Variants in LRRIQ1 observed in about 807,000 individuals in gnomAD.
The protein encoded by LRRIQ1 is leucine rich repeats and IQ motif containing 1, also known as leucine-rich repeat- and IQ domain-containing protein 1.
LRRIQ1 carries 210 observed loss-of-function variants against 211.9 expected under a neutral mutation model. That is an observed-to-expected ratio of 0.99 (90% confidence interval 0.89 to 1.11). The LOEUF (loss-of-function observed/expected upper bound fraction) is 1.11. LRRIQ1 is among the 50% of genes most tolerant of loss of function. LRRIQ1 has a pLI of 0.00. For synonymous variants in LRRIQ1, 699 were observed against 650.1 expected (o/e 1.08, Z -1.14); for missense variants, 2,136 against 1,939.5 (o/e 1.10, Z -1.90).
intron 14 of LRRIQ1, among the ~76,000 whole-genome samples, chr12:85,104,933 A>G (rs1289139278): frequency 3.3e-5 from 5 of 152,074 alleles, no homozygotes; most frequent in Non-Finnish European, 7.4e-5. Flanking sequence ...TCCATTCTTG[A>G]GAGCTTTTAA....
intron 24 of LRRIQ1, among the ~76,000 whole-genome samples, chr12:85,206,262 G>C (rs547347909): frequency 2.0e-5 from 3 of 152,300 alleles, no homozygotes; most frequent in Admixed American, 1.3e-4. Flanking sequence ...AGCAGTGTGG[G>C]CACATGGGTG....
chr12:85,074,095 G>T (rs74111261), intron 11 of LRRIQ1, among the ~76,000 whole-genome samples: 35,822 of 151,846 alleles, frequency 0.24, 4,815 homozygotes, highest in African/African-American at 0.34. Flanking sequence ...AATGTTAACT[G>T]TATTCTTTTT....
chr12:85,152,517 A>G (rs1289591458), intron 20 of LRRIQ1, 148 bp downstream of exon 20: 3 of 486,112 alleles, frequency 6.2e-6, no homozygotes, highest in African/African-American at 6.0e-5. Context: ...CCCCAGATGT[A>G]ATTTTTCATG....
chr12:85,203,744 G>T (rs1205772350), intron 24 of LRRIQ1, among the ~76,000 whole-genome samples: 1 of 152,138 alleles, frequency 6.6e-6, no homozygotes, highest in Non-Finnish European at 1.5e-5. Flanking sequence ...TTTCTAAGCA[G>T]CAAAACATTC....
chr12:85,224,980 TAC>T (rs536289847), intron 24 of LRRIQ1, among the ~76,000 whole-genome samples: 6 of 152,210 alleles, frequency 3.9e-5, no homozygotes, highest in Non-Finnish European at 5.9e-5. Flanking sequence ...TTACATATAA[TAC>T]ATTTATTATA....
chr12:85,159,076 G>T (rs1428800134), intron 23 of LRRIQ1, among the ~76,000 whole-genome samples: 1 of 152,036 alleles, frequency 6.6e-6, no homozygotes, highest in Non-Finnish European at 1.5e-5. Flanking sequence ...CAATCAGAAT[G>T]ACTGATAATG....
At chr12:85,140,285 G>C (rs1889439702) in intron 19 of LRRIQ1, among the ~76,000 whole-genome samples, 1 of 151,190 alleles carries the variant, frequency 6.6e-6, no homozygotes, top group Admixed American at 6.6e-5. Context: ...TCTTCTTTCT[G>C]ATGTGTTAGT....
chr12:85,073,133 T>C (rs770318244), intron 11 of LRRIQ1, 35 bp downstream of exon 11: 24 of 1,489,432 alleles, frequency 1.6e-5, no homozygotes, highest in Middle Eastern at 2.0e-4. Context: ...TGTTACTCTT[T>C]ATGGATTTCT....
At chr12:85,219,878 T>C (rs1410075578) in intron 24 of LRRIQ1, among the ~76,000 whole-genome samples, 1 of 152,110 alleles carries the variant, frequency 6.6e-6, no homozygotes, top group Admixed American at 6.6e-5. Flanking sequence ...CAACAACAGA[T>C]TGGATTGGTT....
chr12:85,259,561 A>C (rs1240897674), intron 1 of LRRIQ1, among the ~76,000 whole-genome samples: 1 of 152,134 alleles, frequency 6.6e-6, no homozygotes, highest in East Asian at 1.9e-4. Flanking sequence ...AGAATAAGCT[A>C]TATAGATTAC....
At chr12:85,202,597 T>G (rs955097468) in intron 24 of LRRIQ1, among the ~76,000 whole-genome samples, 9 of 152,210 alleles carry the variant, frequency 5.9e-5, no homozygotes, top group Admixed American at 5.9e-4. Flanking sequence ...GAAATTAGAA[T>G]AGCAACCCCT....
intron 24 of LRRIQ1, among the ~76,000 whole-genome samples, chr12:85,181,188 T>A (rs1161055400): frequency 6.8e-6 from 1 of 146,954 alleles, no homozygotes; most frequent in African/African-American, 2.6e-5. Context: ...GTAATAAATC[T>A]AATTATAAAA....
intron 11 of LRRIQ1, 24 bp downstream of exon 11, chr12:85,073,122 T>C (rs780764278): frequency 2.0e-6 from 3 of 1,534,662 alleles, no homozygotes; most frequent in Admixed American, 3.5e-5. Flanking sequence ...ATTTTTTATT[T>C]TGTTACTCTT....
chr12:85,229,152 A>G (rs1894810929), intron 24 of LRRIQ1, among the ~76,000 whole-genome samples: 1 of 152,188 alleles, frequency 6.6e-6, no homozygotes, highest in Non-Finnish European at 1.5e-5. Context: ...TATAAAAACA[A>G]TTAGACTTTA....
At chr12:85,258,957 A>G (rs1896206535) in intron 1 of LRRIQ1, among the ~76,000 whole-genome samples, 1 of 151,970 alleles carries the variant, frequency 6.6e-6, no homozygotes, top group South Asian at 2.1e-4. Context: ...TCAAAACACA[A>G]CATATATATA....
intron 4 of LRRIQ1, among the ~76,000 whole-genome samples, chr12:85,045,611 A>G (rs1879446396): frequency 6.6e-6 from 1 of 151,972 alleles, no homozygotes; most frequent in African/African-American, 2.4e-5. Flanking sequence ...AATTTAGGTT[A>G]CAGAATAGTT....
intron 24 of LRRIQ1, among the ~76,000 whole-genome samples, chr12:85,177,444 T>C (rs1165797676): frequency 7.0e-6 from 1 of 143,172 alleles, no homozygotes; most frequent in Non-Finnish European, 1.5e-5. Context: ...AAGTGACACT[T>C]GGGCTGAGTT....
chr12:85,079,314 C>T (rs1024864942), intron 11 of LRRIQ1, among the ~76,000 whole-genome samples: 9 of 149,466 alleles, frequency 6.0e-5, no homozygotes, highest in East Asian at 2.0e-4. Context: ...CTCCGCCTCC[C>T]GGGTTCAAGC....
At chr12:85,200,322 T>C (rs1235880191) in intron 24 of LRRIQ1, among the ~76,000 whole-genome samples, 2 of 152,180 alleles carry the variant, frequency 1.3e-5, no homozygotes, top group Non-Finnish European at 2.9e-5. Context: ...GATTTTTGTA[T>C]GCTGACATTT....
Sources: allele counts gnomAD v4.1 joint callset (sites outside exome capture counted in the v4.1 genomes callset), GRCh38; gene constraint gnomAD v4.1.1; transcripts MANE v1.5; gene names NCBI Gene and HGNC (gene_info 2026-07-23, HGNC 2026-07-21).